GRM7: variants seen among roughly 807,000 people sequenced by gnomAD.
GRM7 encodes metabotropic glutamate receptor 7.
GRM7 carries 35 observed loss-of-function variants against 84.5 expected under a neutral mutation model. That is an observed-to-expected ratio of 0.41 (90% CI 0.32 to 0.55). GRM7 has a LOEUF of 0.55. Among genes scored for constraint, GRM7 ranks in the 20% least tolerant of loss-of-function variants. The pLI, the probability that GRM7 is intolerant of heterozygous loss-of-function variation, is 0.19. For missense variants in GRM7, 1,003 were observed against 1,194.6 expected, an observed-to-expected ratio of 0.84 and a Z score of 2.36; for synonymous variants, 487 against 455.1, an observed-to-expected ratio of 1.07 and a Z score of -0.89.
chr3:7,404,558 A>T (rs575576216), intron 4 of GRM7, among the ~76,000 whole-genome samples: 13 of 152,290 alleles, frequency 8.5e-5, no homozygotes, highest in African/African-American at 3.1e-4. Context: ...TATAAAAAGG[A>T]GTTTAAAAAT....
At chr3:6,971,362 G>A (rs1241641137) in intron 1 of GRM7, among the ~76,000 whole-genome samples, 3 of 152,174 alleles carry the variant, frequency 2.0e-5, no homozygotes, top group East Asian at 1.9e-4. Flanking sequence ...AGTACAGTCC[G>A]AAGAACTTTT....
At chr3:7,193,729 T>C (rs903405828) in intron 2 of GRM7, among the ~76,000 whole-genome samples, 1 of 152,022 alleles carries the variant, frequency 6.6e-6, no homozygotes, top group Non-Finnish European at 1.5e-5. Flanking sequence ...AGGACAGATA[T>C]TAGGGTGATT....
At chr3:7,639,903 T>C (rs1327727938) in intron 8 of GRM7, among the ~76,000 whole-genome samples, 1 of 152,182 alleles carries the variant, frequency 6.6e-6, no homozygotes, top group African/African-American at 2.4e-5. Flanking sequence ...TTGATCATCA[T>C]AGATTAGTTC....
chr3:7,532,764 A>G (rs546714358), intron 7 of GRM7, among the ~76,000 whole-genome samples: 8 of 146,828 alleles, frequency 5.4e-5, no homozygotes, highest in East Asian at 2.1e-4. Flanking sequence ...ATTTAGTGCT[A>G]TAAGGGGATG....
intron 7 of GRM7, among the ~76,000 whole-genome samples, chr3:7,541,971 A>T (rs1030965740): frequency 2.6e-5 from 4 of 152,116 alleles, no homozygotes; most frequent in Non-Finnish European, 4.4e-5. Context: ...AATCCTTGGC[A>T]TTCTCTGGCT....
At chr3:7,635,477 G>A (rs1363957878) in intron 8 of GRM7, among the ~76,000 whole-genome samples, 2 of 152,162 alleles carry the variant, frequency 1.3e-5, no homozygotes, top group Non-Finnish European at 2.9e-5. Flanking sequence ...TGTTCAAGAT[G>A]ATGCCACTTT....
At chr3:7,204,744 C>T (rs1320954826) in intron 2 of GRM7, among the ~76,000 whole-genome samples, 1 of 152,180 alleles carries the variant, frequency 6.6e-6, no homozygotes, top group African/African-American at 2.4e-5. Flanking sequence ...TGCTTTTTAA[C>T]AGAAGTGGGA....
intron 9 of GRM7, chr3:7,686,265 A>T: frequency 1.6e-6 from 1 of 638,072 alleles, no homozygotes; most frequent in Non-Finnish European, 2.9e-6. Flanking sequence ...TCTCTATCGC[A>T]GCCTTTTCCC....
chr3:7,265,956 T>C (rs1207276675), intron 2 of GRM7, among the ~76,000 whole-genome samples: 2 of 152,122 alleles, frequency 1.3e-5, no homozygotes, highest in African/African-American at 4.8e-5. Context: ...TGATGCTTCT[T>C]TGAGAGCTCA....
intron 1 of GRM7, among the ~76,000 whole-genome samples, chr3:6,992,798 C>T (rs1466834104): frequency 6.6e-6 from 1 of 152,162 alleles, no homozygotes; most frequent in Non-Finnish European, 1.5e-5. Flanking sequence ...CTCCTCCCAC[C>T]CTCTGATGTC....
chr3:7,540,424 C>T (rs1692805926), intron 7 of GRM7, among the ~76,000 whole-genome samples: 1 of 152,158 alleles, frequency 6.6e-6, no homozygotes, highest in African/African-American at 2.4e-5. Context: ...ATAATGCATG[C>T]TTCAGTAGGA....
intron 2 of GRM7, among the ~76,000 whole-genome samples, chr3:7,178,813 G>A (rs1015521699): frequency 6.6e-6 from 1 of 152,114 alleles, no homozygotes; most frequent in African/African-American, 2.4e-5. Flanking sequence ...GCGCACCATG[G>A]CTCATGCCTG....
chr3:6,971,580 A>G (rs772722307), intron 1 of GRM7, among the ~76,000 whole-genome samples: 3 of 152,248 alleles, frequency 2.0e-5, no homozygotes, highest in Non-Finnish European at 4.4e-5. Flanking sequence ...TGTTCTTTAT[A>G]GTAAAAGAGT....
chr3:6,950,461 C>A (rs1010581617), intron 1 of GRM7, among the ~76,000 whole-genome samples: 2 of 152,196 alleles, frequency 1.3e-5, no homozygotes, highest in East Asian at 3.9e-4. Flanking sequence ...TGTCAGTACG[C>A]CCCTACTGGG....
intron 7 of GRM7, among the ~76,000 whole-genome samples, chr3:7,468,852 G>A (rs1021528305): frequency 6.6e-6 from 1 of 152,218 alleles, no homozygotes; most frequent in Middle Eastern, 3.4e-3. Flanking sequence ...ACCCCTTCAC[G>A]ACTGTGAATT....
intron 4 of GRM7, among the ~76,000 whole-genome samples, chr3:7,331,397 A>T (rs375873321): frequency 8.5e-5 from 13 of 152,230 alleles, no homozygotes; most frequent in African/African-American, 2.9e-4. Context: ...AAATGATCAA[A>T]AGGTTAGATA....
chr3:7,243,829 G>T (rs1278981141), intron 2 of GRM7, among the ~76,000 whole-genome samples: 1 of 152,172 alleles, frequency 6.6e-6, no homozygotes, highest in African/African-American at 2.4e-5. Context: ...ATTGCTCCTA[G>T]GCTACAAACC....
intron 9 of GRM7, among the ~76,000 whole-genome samples, chr3:7,685,311 A>G (rs1700536805): frequency 6.6e-6 from 1 of 152,198 alleles, no homozygotes; most frequent in Admixed American, 6.5e-5. Context: ...CACAGTGAAG[A>G]GAGGCCTGGC....
chr3:7,527,404 G>C (rs1700847942), intron 7 of GRM7, among the ~76,000 whole-genome samples: 2 of 151,792 alleles, frequency 1.3e-5, no homozygotes, highest in African/African-American at 4.8e-5. Context: ...GAAGTTGTTT[G>C]TTGGATCTAG....
Sources: allele counts gnomAD v4.1 joint callset (sites outside exome capture counted in the v4.1 genomes callset), GRCh38; gene constraint gnomAD v4.1.1; transcripts MANE v1.5; gene names NCBI Gene and HGNC (gene_info 2026-07-23, HGNC 2026-07-21).